PCDH9: variants seen among roughly 807,000 people sequenced by gnomAD.
The protein encoded by PCDH9 is protocadherin 9, also known as protocadherin-9.
Under a neutral mutation model 70.6 loss-of-function variants are expected in PCDH9, and 24 were observed. The ratio of observed to expected loss-of-function variants is 0.34; its 90% CI spans 0.25 to 0.48. The LOEUF is 0.48. Among genes scored for constraint, PCDH9 ranks in the 20% least tolerant of loss-of-function variants. The pLI, the probability that PCDH9 is intolerant of heterozygous loss-of-function variation, is 0.99. For missense variants in PCDH9, 1,281 were observed against 1,503.6 expected (o/e 0.85, Z 2.45); for synonymous variants, 562 against 558.5 (o/e 1.01, Z -0.09).
chr13:66,629,031 G>A (rs2138927386), intron 4 of PCDH9, among the ~76,000 whole-genome samples: 3 of 152,272 alleles, frequency 2.0e-5, no homozygotes, highest in East Asian at 3.9e-4. Flanking sequence ...ATTGGTTTCT[G>A]AAATCCACTG....
chr13:66,657,909 C>A (rs973788536), intron 3 of PCDH9, among the ~76,000 whole-genome samples: 2 of 152,108 alleles, frequency 1.3e-5, no homozygotes, highest in Admixed American at 6.5e-5. Flanking sequence ...TCCTCAGATT[C>A]AACAGACTGC....
intron 2 of PCDH9, among the ~76,000 whole-genome samples, chr13:66,986,134 G>A (rs1158587316): frequency 6.6e-6 from 1 of 151,934 alleles, no homozygotes; most frequent in Non-Finnish European, 1.5e-5. Flanking sequence ...AAGCAAACAT[G>A]TCTTCTTCAC....
At chr13:66,947,485 A>T (rs535380580) in intron 2 of PCDH9, among the ~76,000 whole-genome samples, 6 of 152,170 alleles carry the variant, frequency 3.9e-5, no homozygotes, top group African/African-American at 1.4e-4. Flanking sequence ...TACAAGTCAG[A>T]AAACTATTGT....
At chr13:66,982,000 T>C (rs2083781768) in intron 2 of PCDH9, among the ~76,000 whole-genome samples, 1 of 152,140 alleles carries the variant, frequency 6.6e-6, no homozygotes, top group Non-Finnish European at 1.5e-5. Context: ...ATGCTGGAGG[T>C]AGGGTCTAGT....
intron 2 of PCDH9, among the ~76,000 whole-genome samples, chr13:66,995,157 A>G (rs2084086490): frequency 6.6e-6 from 1 of 152,126 alleles, no homozygotes; most frequent in South Asian, 2.1e-4. Flanking sequence ...ATTATTTTTT[A>G]TTAAATGTTA....
intron 3 of PCDH9, among the ~76,000 whole-genome samples, chr13:66,773,845 T>A (rs1211674800): frequency 6.6e-6 from 1 of 151,140 alleles, no homozygotes; most frequent in Non-Finnish European, 1.5e-5. Flanking sequence ...GTGGGTGATC[T>A]CAGCTCACTG....
At chr13:66,834,497 C>A (rs901535814) in intron 3 of PCDH9, among the ~76,000 whole-genome samples, 28 of 152,080 alleles carry the variant, frequency 1.8e-4, no homozygotes, top group Non-Finnish European at 1.9e-4. Context: ...TACAACTGTA[C>A]CCAAAATTAC....
intron 4 of PCDH9, among the ~76,000 whole-genome samples, chr13:66,418,727 A>G (rs1256173255): frequency 1.3e-5 from 2 of 152,216 alleles, no homozygotes; most frequent in Non-Finnish European, 2.9e-5. Context: ...AGGACAAGAA[A>G]TAACTAAGAT....
chr13:66,570,748 T>C (rs1490397070), intron 4 of PCDH9, among the ~76,000 whole-genome samples: 2 of 152,134 alleles, frequency 1.3e-5, no homozygotes, highest in African/African-American at 4.8e-5. Flanking sequence ...TACAGGATTG[T>C]AGAGGTTGAA....
intron 3 of PCDH9, among the ~76,000 whole-genome samples, chr13:66,669,344 T>A (rs964751309): frequency 1.3e-5 from 2 of 152,220 alleles, no homozygotes; most frequent in African/African-American, 2.4e-5. Context: ...ACTCTGAAGA[T>A]GAACCAGTTT....
chr13:66,540,591 T>C (rs907166929), intron 4 of PCDH9, among the ~76,000 whole-genome samples: 16 of 152,196 alleles, frequency 1.1e-4, no homozygotes, highest in African/African-American at 3.9e-4. Context: ...TGCTGACAGT[T>C]GTCAGAAAAT....
chr13:66,629,884 A>G (rs1214916274), intron 4 of PCDH9, among the ~76,000 whole-genome samples: 1 of 152,134 alleles, frequency 6.6e-6, no homozygotes, highest in Non-Finnish European at 1.5e-5. Flanking sequence ...TTTTTTGACA[A>G]AAAGAAGCAG....
At chr13:66,453,331 C>T (rs934150556) in intron 4 of PCDH9, among the ~76,000 whole-genome samples, 1 of 152,108 alleles carries the variant, frequency 6.6e-6, no homozygotes, top group Admixed American at 6.5e-5. Context: ...ATCTAACTTC[C>T]TACATAAAAC....
chr13:66,711,943 G>T (rs1482736693), intron 3 of PCDH9, among the ~76,000 whole-genome samples: 1 of 152,112 alleles, frequency 6.6e-6, no homozygotes, highest in African/African-American at 2.4e-5. Context: ...CTGCTTTCCA[G>T]TTCCCAGGTT....
At chr13:66,490,737 A>G (rs996547422) in intron 4 of PCDH9, among the ~76,000 whole-genome samples, 2 of 152,198 alleles carry the variant, frequency 1.3e-5, no homozygotes, top group East Asian at 1.9e-4. Flanking sequence ...TAATCAAAGC[A>G]CATAAAATTC....
At chr13:67,081,182 A>G (rs755055019) in intron 2 of PCDH9, among the ~76,000 whole-genome samples, 12 of 152,222 alleles carry the variant, frequency 7.9e-5, no homozygotes, top group Non-Finnish European at 1.5e-4. Context: ...AGACAAGGAT[A>G]TAGAGAATAA....
intron 4 of PCDH9, among the ~76,000 whole-genome samples, chr13:66,340,874 C>A (rs1956113060): frequency 6.6e-6 from 1 of 152,112 alleles, no homozygotes; most frequent in Non-Finnish European, 1.5e-5. Flanking sequence ...TTTCTGAATG[C>A]CTTAACACTA....
intron 2 of PCDH9, among the ~76,000 whole-genome samples, chr13:67,031,984 C>T (rs1164456634): frequency 6.6e-6 from 1 of 152,108 alleles, no homozygotes; most frequent in East Asian, 1.9e-4. Context: ...AAAAAATGTT[C>T]AAATAAGTCT....
intron 3 of PCDH9, among the ~76,000 whole-genome samples, chr13:66,851,336 G>A (rs1437730325): frequency 6.6e-6 from 1 of 151,822 alleles, no homozygotes; most frequent in Non-Finnish European, 1.5e-5. Context: ...TTGATAAAGG[G>A]CCTATTCAAC....
Sources: gnomAD v4.1 joint callset for allele counts (sites outside exome capture counted in the v4.1 genomes callset) on GRCh38, gnomAD v4.1.1 for gene constraint, MANE v1.5 for transcripts, NCBI Gene and HGNC (gene_info 2026-07-23, HGNC 2026-07-21) for gene names.